Variants in EIPR1 observed in about 807,000 individuals in gnomAD.
EIPR1 encodes the protein EARP complex and GARP complex interacting protein 1, also known as EARP and GARP complex-interacting protein 1.
Under a neutral mutation model 48.1 loss-of-function variants are expected in EIPR1, and 25 were observed. That is an observed-to-expected ratio of 0.52 (90% CI 0.38 to 0.73). EIPR1 has a LOEUF of 0.73. Ranked by LOEUF, EIPR1 falls within the 30% of genes least tolerant of loss-of-function variation. The probability of loss-of-function intolerance (pLI) is 0.00; values close to 1 mark genes in which losing one functional copy is unlikely to be tolerated. For missense variants in EIPR1, 415 were observed against 506.2 expected, an observed-to-expected ratio of 0.82 and a Z score of 1.73; for synonymous variants, 204 against 201.9, an observed-to-expected ratio of 1.01 and a Z score of -0.09.
intron 1 of EIPR1, among the ~76,000 whole-genome samples, chr2:3,361,840 T>TACCCAA (rs1301207939): frequency 6.7e-6 from 1 of 149,502 alleles, no homozygotes; most frequent in East Asian, 2.0e-4. Flanking sequence ...CATCTGACCC[T>TACCCAA]GCCCAAGCCC....
intron 3 of EIPR1, among the ~76,000 whole-genome samples, chr2:3,337,559 G>A (rs1670104245): frequency 6.6e-6 from 1 of 152,148 alleles, no homozygotes; most frequent in African/African-American, 2.4e-5. Context: ...AGCTCCAAGA[G>A]CCTAGAGAGC....
At chr2:3,365,999 TC>T (rs1404858673) in intron 1 of EIPR1, among the ~76,000 whole-genome samples, 1 of 151,158 alleles carries the variant, frequency 6.6e-6, no homozygotes, top group Non-Finnish European at 1.5e-5. Flanking sequence ...AGCCACCCCG[TC>T]CGAGAGAAAA....
intron 3 of EIPR1, among the ~76,000 whole-genome samples, chr2:3,259,172 T>A (rs1465544409): frequency 6.6e-6 from 1 of 152,174 alleles, no homozygotes; most frequent in African/African-American, 2.4e-5. Context: ...ATAGAACTAA[T>A]AATGGGAGCA....
At chr2:3,274,399 G>A in intron 3 of EIPR1, 1 of 1,550,506 alleles carries the variant, frequency 6.4e-7, no homozygotes, top group Non-Finnish European at 8.7e-7. Flanking sequence ...AAGGAATCCA[G>A]AGACAGCACA....
At chr2:3,213,144 T>C (rs922746868) in intron 5 of EIPR1, among the ~76,000 whole-genome samples, 8 of 152,168 alleles carry the variant, frequency 5.3e-5, no homozygotes, top group Non-Finnish European at 1.0e-4. Flanking sequence ...ACTGGAGAAA[T>C]CTATCCAATG....
rs368182667 is a variant in EIPR1, at chr2:3,338,047, T to C, written c.229A>G (p.Arg77Gly). Residue 77 changes from arginine (R) to glycine (G), a missense_variant, in exon 3 of 9, where the codon AGA (arginine) becomes GGA (glycine). Physicochemically the swap from Arg to Gly is moderately radical, Grantham distance 125 (BLOSUM62 -2). Transcript: ENST00000382125. ...TTGTAGCAGGTCGTCAGCACACCTC[T>C]GTCTGCAGGGCTAGCGCTAATATGC... is the stretch of plus-strand genomic sequence containing the variant. The part of the protein sequence containing the change: ...IWHISASPAD[R>G]GVLTTCYNRT... The C allele has an allele frequency of 4.7e-5, 76 of 1,609,866 alleles. No individual in the cohort carries two copies. The highest frequency in any genetic ancestry group is 6.2e-5 in the Non-Finnish European group (73 of 1,179,232).
At chr2:3,280,547 A>G (rs1386632785) in intron 3 of EIPR1, among the ~76,000 whole-genome samples, 1 of 152,186 alleles carries the variant, frequency 6.6e-6, no homozygotes, top group African/African-American at 2.4e-5. Context: ...CAACTCGCTC[A>G]CAACCCTGAC....
intron 4 of EIPR1, among the ~76,000 whole-genome samples, chr2:3,227,446 G>A (rs1418444265): frequency 6.6e-6 from 1 of 152,196 alleles, no homozygotes; most frequent in Non-Finnish European, 1.5e-5. Context: ...AGGGAATCTG[G>A]CAGAAGAAAT....
At chr2:3,376,690 C>CAAAAAAAAAAAAAAAAAAAAA (rs67873034) in intron 1 of EIPR1, among the ~76,000 whole-genome samples, 1 of 125,032 alleles carries the variant, frequency 8.0e-6, no homozygotes, top group Admixed American at 8.0e-5. Context: ...GACTCCATCT[C>CAAAAAAAAAAAAAAAAAAAAA]AAAAAAAAAA....
At chr2:3,361,952 T>C (rs1363694621) in intron 1 of EIPR1, among the ~76,000 whole-genome samples, 1 of 152,250 alleles carries the variant, frequency 6.6e-6, no homozygotes, top group Admixed American at 6.5e-5. Context: ...TTTTTGCTTC[T>C]GGAGTTCGAT....
chr2:3,241,946 G>A (rs1174239305), intron 4 of EIPR1, among the ~76,000 whole-genome samples: 1 of 152,140 alleles, frequency 6.6e-6, no homozygotes, highest in Non-Finnish European at 1.5e-5. Context: ...GATAACTCTA[G>A]GGACACCAAG....
intron 3 of EIPR1, among the ~76,000 whole-genome samples, chr2:3,302,413 T>C (rs1033547440): frequency 1.3e-5 from 2 of 152,242 alleles, no homozygotes; most frequent in African/African-American, 4.8e-5. Context: ...TTCAAGCAAT[T>C]AGAAGACAAT....
chr2:3,226,235 C>T (rs1444872055), intron 4 of EIPR1, among the ~76,000 whole-genome samples: 1 of 152,206 alleles, frequency 6.6e-6, no homozygotes, highest in Non-Finnish European at 1.5e-5. Flanking sequence ...TTCATTCCCA[C>T]CTTGAATATA....
intron 8 of EIPR1, among the ~76,000 whole-genome samples, chr2:3,190,438 G>A (rs1664565807): frequency 1.3e-5 from 2 of 152,226 alleles, no homozygotes; most frequent in South Asian, 4.1e-4. Context: ...ACCTGCCAGT[G>A]GTCAACTGCT....
chr2:3,265,474 T>G (rs576493418), intron 3 of EIPR1, among the ~76,000 whole-genome samples: 6 of 152,310 alleles, frequency 3.9e-5, no homozygotes, highest in African/African-American at 1.4e-4. Context: ...TCAAAGAAAC[T>G]AAGGAGCTTT....
At chr2:3,235,443 T>G (rs1019785309) in intron 4 of EIPR1, among the ~76,000 whole-genome samples, 1 of 42,372 alleles carries the variant, frequency 2.4e-5, no homozygotes, top group Non-Finnish European at 6.3e-5. Flanking sequence ...CACACACGCG[T>G]GCGCGCACAC....
chr2:3,293,578 C>G (rs115976731), intron 3 of EIPR1, among the ~76,000 whole-genome samples: 1 of 152,186 alleles, frequency 6.6e-6, no homozygotes, highest in Non-Finnish European at 1.5e-5. Context: ...CCAGTCCCCA[C>G]GGGCACCTCA....
At chr2:3,360,320 C>T (rs1670821822) in intron 1 of EIPR1, among the ~76,000 whole-genome samples, 1 of 151,692 alleles carries the variant, frequency 6.6e-6, no homozygotes, top group Non-Finnish European at 1.5e-5. Flanking sequence ...AGGAGAATTG[C>T]TTGAACCAGG....
At chr2:3,278,409 C>A (rs1045645233) in intron 3 of EIPR1, among the ~76,000 whole-genome samples, 6 of 152,198 alleles carry the variant, frequency 3.9e-5, no homozygotes, top group African/African-American at 1.4e-4. Context: ...CTGCCTTTAA[C>A]CTGTGGCCAG....
Sources: allele counts gnomAD v4.1 joint callset (sites outside exome capture counted in the v4.1 genomes callset), GRCh38; gene constraint gnomAD v4.1.1; transcripts MANE v1.5; gene names NCBI Gene and HGNC (gene_info 2026-07-23, HGNC 2026-07-21).